The following SHROOM2 variants were observed in gnomAD, a reference collection of about 807,000 sequenced individuals.
SHROOM2 encodes the protein shroom family member 2.
Under a neutral mutation model 75.9 loss-of-function variants are expected in SHROOM2, and 33 were observed. That is an observed-to-expected ratio of 0.43 (90% CI 0.33 to 0.58). The LOEUF is 0.58. SHROOM2 is among the 20% of genes least tolerant of loss of function. SHROOM2 has a pLI of 0.04. For synonymous variants in SHROOM2, 655 were observed against 663.6 expected (o/e 0.99, Z 0.20); for missense variants, 1,434 against 1,461.2 (o/e 0.98, Z 0.30).
intron 8 of SHROOM2, among the ~76,000 whole-genome samples, chrX:9,943,712 T>C (rs2084791777): frequency 8.9e-6 from 1 of 112,045 alleles, no homozygotes; most frequent in Admixed American, 9.5e-5. Context: ...ATGTTACATA[T>C]ATTTTACTAC....
chrX:9,905,190 AGTCCCATAGATTCAGT>A (rs1369553366), intron 5 of SHROOM2, among the ~76,000 whole-genome samples: 1 of 112,071 alleles, frequency 8.9e-6, no homozygotes, highest in East Asian at 2.8e-4. Flanking sequence ...TTGACTTAAG[AGTCCCATAGATTCAGT>A]GTCTTATGTG....
At chrX:9,933,144 A>G (rs1349163515) in intron 6 of SHROOM2, among the ~76,000 whole-genome samples, 1 of 110,684 alleles carries the variant, frequency 9.0e-6, no homozygotes, top group Non-Finnish European at 1.9e-5. Context: ...AGATGCATTT[A>G]TATCTGCATT....
intron 5 of SHROOM2, among the ~76,000 whole-genome samples, chrX:9,905,503 C>T (rs897720652): frequency 6.2e-5 from 7 of 112,949 alleles, no homozygotes; most frequent in East Asian, 2.8e-4. Flanking sequence ...AGCTCACCAC[C>T]GCCTCCAACG....
chrX:9,867,881 A>G (rs890974466), intron 1 of SHROOM2, among the ~76,000 whole-genome samples: 3 of 111,745 alleles, frequency 2.7e-5, no homozygotes, highest in Non-Finnish European at 3.8e-5. Flanking sequence ...CTTCATATCT[A>G]GAGGGGAAGC....
intron 5 of SHROOM2, among the ~76,000 whole-genome samples, chrX:9,912,048 T>C (rs1253478556): frequency 1.0e-5 from 1 of 98,632 alleles, no homozygotes; most frequent in Non-Finnish European, 2.0e-5. Flanking sequence ...GAGGCTACAG[T>C]GAGCCATGAT....
chrX:9,823,158 T>TCCTC (rs1364208210), intron 1 of SHROOM2, among the ~76,000 whole-genome samples: 1 of 37,907 alleles, frequency 2.6e-5, no homozygotes, highest in Non-Finnish European at 5.1e-5. Flanking sequence ...TCTTCCTTCT[T>TCCTC]CTTCTTTTCT....
rs202190752 is a variant in SHROOM2, at chrX:9,896,509, G to A, written c.2601G>A (p.Pro867=). 9.1e-6 allele frequency: 11 copies of A among 1,209,323 alleles called. No individual in the cohort carries two copies. In the African/African-American group the frequency reaches 1.0e-4, roughly 11 times the overall value. ...AGAAGGCAGGGACTTCAGACCTGCC[G>A]CGGAGGCTCGGCACCTTTGCAGAGT... ...AAEKAGTSDL[P]RRLGTFAEYQ... Residue 867 remains proline (P), a synonymous_variant, in exon 4 of 10, where the codon CCG becomes CCA. Coordinates refer to ENST00000380913, the MANE Select transcript of SHROOM2 (RefSeq NM_001649.4).
intron 1 of SHROOM2, among the ~76,000 whole-genome samples, chrX:9,842,120 A>G (rs925793481): frequency 2.7e-5 from 3 of 111,437 alleles, no homozygotes; most frequent in African/African-American, 9.8e-5. Flanking sequence ...TGCATGCTAT[A>G]GTCATTTGGT....
chrX:9,867,716 C>T (rs1397746108), intron 1 of SHROOM2, among the ~76,000 whole-genome samples: 2 of 111,547 alleles, frequency 1.8e-5, no homozygotes, highest in East Asian at 5.6e-4. Context: ...ACTACTTTTC[C>T]CCATAGCACC....
chrX:9,918,070 G>T (rs2084507305), intron 5 of SHROOM2, among the ~76,000 whole-genome samples: 1 of 111,647 alleles, frequency 9.0e-6, no homozygotes, highest in Non-Finnish European at 1.9e-5. Flanking sequence ...TTGTTTGTCT[G>T]TTTGCCCCTA....
At chrX:9,940,175 A>G (rs1432990503) in intron 8 of SHROOM2, among the ~76,000 whole-genome samples, 1 of 111,904 alleles carries the variant, frequency 8.9e-6, no homozygotes, top group Non-Finnish European at 1.9e-5. Context: ...CATCTGGCAC[A>G]CGGTACCATT....
At chrX:9,815,543 ATATCCTATATC>A (rs199902501) in intron 1 of SHROOM2, among the ~76,000 whole-genome samples, 1,042 of 94,882 alleles carry the variant, frequency 0.011, 4 homozygotes, top group African/African-American at 0.015. Flanking sequence ...TTATATATAT[ATATCCTATATC>A]TATCCTATAT....
At chrX:9,807,829 C>G (rs1023741299) in intron 1 of SHROOM2, among the ~76,000 whole-genome samples, 4 of 112,025 alleles carry the variant, frequency 3.6e-5, no homozygotes, top group African/African-American at 6.5e-5. Context: ...CCTGCCCGCC[C>G]TAGGCTGCCA....
chrX:9,816,979 CT>C (rs1481190511), intron 1 of SHROOM2, among the ~76,000 whole-genome samples: 1 of 110,419 alleles, frequency 9.1e-6, no homozygotes, highest in South Asian at 3.8e-4. Flanking sequence ...TTTTCTTTTT[CT>C]TTTTTTTAAG....
Position 9,895,099 on chromosome X carries a change from G to T in SHROOM2, c.1191G>T (p.Trp397Cys), listed in dbSNP as rs1193180734. 8.3e-7 allele frequency: 1 copy of T among 1,210,285 alleles called. No individual in the cohort carries two copies. The highest frequency in any genetic ancestry group is 1.8e-5 in the South Asian group (1 of 56,837). Residue 397 changes from tryptophan (W) to cysteine (C), a missense_variant, in exon 4 of 10, where the codon TGG becomes TGT. By Grantham distance (215) the Trp-to-Cys change is radical. This residue lies in a region of SHROOM2 where 1,340 missense variants were observed against 1,338.3 expected (regional missense o/e 1.00). Coordinates refer to ENST00000380913, the MANE Select transcript of SHROOM2 (RefSeq NM_001649.4). ...AGGAGGCCCACGCAGACGGCAGCTG[G>T]CCGCCCTCCAAGGATGGAGCTTCCA... ...CPQEAHADGS[W>C]PPSKDGASSR...
chrX:9,857,121 G>T (rs1194220578), intron 1 of SHROOM2, among the ~76,000 whole-genome samples: 5 of 112,741 alleles, frequency 4.4e-5, no homozygotes, highest in Non-Finnish European at 9.4e-5. Flanking sequence ...GCAGAAAGAG[G>T]ACACGAAGGT....
At chrX:9,901,789 T>C (rs970970933) in intron 5 of SHROOM2, among the ~76,000 whole-genome samples, 7 of 112,413 alleles carry the variant, frequency 6.2e-5, no homozygotes, top group Admixed American at 5.7e-4. Context: ...CCTTCACTAT[T>C]CCTTGCTGTC....
intron 1 of SHROOM2, among the ~76,000 whole-genome samples, chrX:9,856,024 CTTTT>C (rs35234850): frequency 1.2e-5 from 1 of 84,286 alleles, no homozygotes; most frequent in African/African-American, 4.4e-5. Flanking sequence ...AGAATGTTTC[CTTTT>C]TTTTTTTTTT....
intron 2 of SHROOM2, among the ~76,000 whole-genome samples, chrX:9,878,922 A>G (rs2084216723): frequency 8.9e-6 from 1 of 112,048 alleles, no homozygotes; most frequent in African/African-American, 3.3e-5. Context: ...TTTGGGGTCT[A>G]ATGGCTGTTT....
Sources: gnomAD v4.1 joint callset for allele counts (sites outside exome capture counted in the v4.1 genomes callset) on GRCh38, gnomAD v4.1.1 for gene constraint, gnomAD v4.1.1 regional missense constraint, MANE v1.5 for transcripts, NCBI Gene and HGNC (gene_info 2026-07-23, HGNC 2026-07-21) for gene names.